Variants in TANK observed in about 807,000 individuals in gnomAD.
TANK encodes the protein TRAF family member-associated NF-kappa-B activator.
TANK carries 15 observed loss-of-function variants against 43.6 expected under a neutral mutation model. That is an observed-to-expected ratio of 0.34 (90% confidence interval 0.23 to 0.53). The LOEUF (loss-of-function observed/expected upper bound fraction) is 0.53, where lower values mean the gene tolerates loss of function less well. Among genes scored for constraint, TANK ranks in the 20% least tolerant of loss-of-function variants. The pLI is 0.94. For missense variants in TANK, 417 were observed against 498.6 expected (o/e 0.84, Z 1.56); for synonymous variants, 162 against 178.2 (o/e 0.91, Z 0.73).
At chr2:161,149,541 G>C (rs547943096) in intron 1 of TANK, among the ~76,000 whole-genome samples, 2 of 152,190 alleles carry the variant, frequency 1.3e-5, no homozygotes. Flanking sequence ...AGTGGTGAAA[G>C]AAAGTGTCCT....
At chr2:161,206,848 A>G (rs1308729487) in intron 4 of TANK, among the ~76,000 whole-genome samples, 19 of 152,116 alleles carry the variant, frequency 1.2e-4, no homozygotes, top group Admixed American at 8.5e-4. Context: ...TCCTCTTTCA[A>G]TGTCTTCCAA....
At chr2:161,197,755 T>G (rs1686220066) in intron 2 of TANK, among the ~76,000 whole-genome samples, 1 of 152,094 alleles carries the variant, frequency 6.6e-6, no homozygotes, top group Non-Finnish European at 1.5e-5. Flanking sequence ...TATAAAGGCC[T>G]TAATCTTATT....
At chr2:161,180,862 G>A (rs1685387017) in intron 2 of TANK, among the ~76,000 whole-genome samples, 1 of 150,526 alleles carries the variant, frequency 6.6e-6, no homozygotes, top group African/African-American at 2.4e-5. Flanking sequence ...AGTAACGTGT[G>A]CAGTATATCA....
intron 1 of TANK, among the ~76,000 whole-genome samples, chr2:161,176,795 G>A (rs191397929): frequency 1.4e-4 from 21 of 152,158 alleles, no homozygotes; most frequent in African/African-American, 4.8e-4. Context: ...TTTCCAGTTC[G>A]AGGCTCTTAT....
Position 161,152,900 on chromosome 2 carries a change from A to C in TANK, c.-50+15837A>C, listed in dbSNP as rs74629055. ...CCTCAGTGTGGATTTTTTTGAGTCT[A>C]TTCTACTTAGAGTTCATTGAGCAAC... On this transcript the variant is annotated intron_variant, in intron 1 of 7. Transcript: ENST00000259075. 1.9e-3 allele frequency among the ~76,000 whole-genome samples: 284 copies of C among 152,250 alleles called. 1 individual carries two copies. Among genetic ancestry groups the C allele is most frequent in the African/African-American group, 6.4e-3 (266 of 41,554 alleles).
chr2:161,197,022 T>G (rs1686182323), intron 2 of TANK, among the ~76,000 whole-genome samples: 1 of 152,210 alleles, frequency 6.6e-6, no homozygotes, highest in Non-Finnish European at 1.5e-5. Context: ...AAAAGTGTGA[T>G]ACGTATACAC....
At chr2:161,208,923 A>G (rs1317433084) in intron 4 of TANK, among the ~76,000 whole-genome samples, 6 of 152,360 alleles carry the variant, frequency 3.9e-5, no homozygotes, top group Admixed American at 2.6e-4. Context: ...AGGGAAAAGT[A>G]TCTAAGTTTC....
intron 2 of TANK, chr2:161,203,044 T>G (rs1180583041): frequency 4.2e-6 from 1 of 239,410 alleles, no homozygotes; most frequent in Non-Finnish European, 8.5e-6. Flanking sequence ...TTAGTGTTTG[T>G]GTACTCTAAA....
At chr2:161,213,613 AAAG>A (rs1686990153) in intron 4 of TANK, among the ~76,000 whole-genome samples, 3 of 151,760 alleles carry the variant, frequency 2.0e-5, no homozygotes, top group Non-Finnish European at 4.4e-5. Context: ...AAAAAAAAAA[AAAG>A]AAAATTTCTC....
intron 4 of TANK, chr2:161,219,748 A>G (rs1262635044): frequency 2.1e-6 from 1 of 466,078 alleles, no homozygotes; most frequent in African/African-American, 2.0e-5. Flanking sequence ...TGACTTCACT[A>G]TAACATCTTT....
rs1558955551 is a variant in TANK at position 161,141,372 on chromosome 2, T to C, written c.-50+4309T>C. ...AGTTCTGGGATACAAGTGCAGAACA[T>C]GTAGGTTTGTTACATACATATACGT... On this transcript the variant is annotated intron_variant, in intron 1 of 7. Transcript: ENST00000259075. Among the ~76,000 whole-genome samples, 4 of 152,272 alleles carry C rather than the reference T, an allele frequency of 2.6e-5. No homozygotes were observed. In the South Asian group the frequency reaches 8.3e-4, roughly 32 times the overall value.
rs538809133 is a variant in TANK, at chr2:161,178,810, T to C, written c.-49-804T>C. ...ACCCAATATAACTGATAGAGAACTT[T>C]GTCTAGTCTGTGACTTTTAGAGAAT... On this transcript the variant is annotated intron_variant, in intron 1 of 7. Coordinates refer to ENST00000392749, the MANE Select transcript of TANK (RefSeq NM_001199135.3). Among the ~76,000 whole-genome samples, 5 of 152,282 alleles carry C rather than the reference T, an allele frequency of 3.3e-5. No individual in the cohort carries two copies. The East Asian group carries it at 9.6e-4, about 29-fold the overall frequency.
intron 2 of TANK, among the ~76,000 whole-genome samples, chr2:161,187,821 CTT>C (rs942873538): frequency 1.3e-5 from 2 of 152,060 alleles, no homozygotes; most frequent in African/African-American, 4.8e-5. Flanking sequence ...TTAAAAATGA[CTT>C]AATAAATTTA....
chr2:161,194,918 G>GT (rs888690842), intron 2 of TANK, among the ~76,000 whole-genome samples: 1 of 151,412 alleles, frequency 6.6e-6, no homozygotes, highest in Non-Finnish European at 1.5e-5. Context: ...GTTCATTCTG[G>GT]TTTTTTTTCC....
Position 161,231,225 on chromosome 2 carries a change from G to A in TANK, c.775G>A (p.Ala259Thr). Residue 259 changes from alanine to threonine, a missense_variant, in exon 7 of 8, where the codon GCC becomes ACC. Physicochemically the swap from Ala to Thr is moderately conservative, Grantham distance 58. Transcript: ENST00000392749. Reference protein sequence around the residue: ...TPERPGILSPATSEAVCQEKF... With the variant: ...TPERPGILSPTTSEAVCQEKF... ...AGAGAGACCCGGCATCCTTAGTCCTGCCACGTCTGAGGCAGTGTGCCAAGA... is the reference window on the plus strand; with the variant it reads ...AGAGAGACCCGGCATCCTTAGTCCTACCACGTCTGAGGCAGTGTGCCAAGA... 1.2e-6 allele frequency: 2 copies of A among 1,613,974 alleles called. No homozygotes were observed. The highest frequency in any genetic ancestry group is 1.7e-6 in the Non-Finnish European group (2 of 1,180,030).
intron 4 of TANK, among the ~76,000 whole-genome samples, chr2:161,222,248 T>G (rs1432724592): frequency 6.6e-6 from 1 of 152,070 alleles, no homozygotes; most frequent in Non-Finnish European, 1.5e-5. Flanking sequence ...ATTACTCTTT[T>G]TTTTGTTTTG....
At position 161,169,500 on chromosome 2, in the gene TANK, T is replaced by C. The variant is rs551304604; in HGVS notation, c.-50+9014T>C. ...GAGGTAGGGGATATTTAAAGAGAGC[T>C]GAATCCTAATTTTCCATAATGAAGA... On this transcript the variant is annotated intron_variant, in intron 1 of 7. Transcript: ENST00000392749. 2.0e-5 allele frequency among the ~76,000 whole-genome samples: 3 copies of C among 152,290 alleles called. No individual in the cohort carries two copies. The East Asian group carries it at 5.8e-4, about 29-fold the overall frequency.
chr2:161,161,988 T>C (rs1218742973), intron 1 of TANK: 2 of 152,244 alleles, frequency 1.3e-5, no homozygotes, highest in African/African-American at 2.4e-5. Flanking sequence ...GATTTACTCA[T>C]TAAAACATCT....
At chr2:161,230,628 G>A (rs938353753) in intron 6 of TANK, among the ~76,000 whole-genome samples, 1 of 152,186 alleles carries the variant, frequency 6.6e-6, no homozygotes, top group African/African-American at 2.4e-5. Context: ...CAAACTCACA[G>A]TTATAGCTTC....
Sources: allele counts gnomAD v4.1 joint callset (sites outside exome capture counted in the v4.1 genomes callset), GRCh38; gene constraint gnomAD v4.1.1; transcripts MANE v1.5; gene names NCBI Gene and HGNC (gene_info 2026-07-23, HGNC 2026-07-21).